The following SNAP91 variants were observed in gnomAD, a reference collection of about 807,000 sequenced individuals.
SNAP91 encodes the protein clathrin coat assembly protein AP180.
SNAP91 carries 27 observed loss-of-function variants against 100.3 expected under a neutral mutation model. That is an observed-to-expected ratio of 0.27 (90% CI 0.20 to 0.37). SNAP91 has a LOEUF of 0.37. Ranked by LOEUF, SNAP91 falls within the 10% of genes least tolerant of loss-of-function variation. SNAP91 has a pLI of 1.00. For synonymous variants in SNAP91, 404 were observed against 398.6 expected (o/e 1.01, Z -0.16); for missense variants, 986 against 1,123.7 (o/e 0.88, Z 1.75).
At chr6:83,646,367 T>C (rs538273877) in intron 7 of SNAP91, among the ~76,000 whole-genome samples, 1 of 152,356 alleles carries the variant, frequency 6.6e-6, no homozygotes, top group African/African-American at 2.4e-5. Context: ...ATTTTACATT[T>C]AGGTCTGTGA....
intron 9 of SNAP91, among the ~76,000 whole-genome samples, chr6:83,622,366 G>A (rs1300819877): frequency 1.3e-5 from 2 of 151,838 alleles, no homozygotes; most frequent in East Asian, 3.8e-4. Context: ...TTTTAAAGAT[G>A]GAAACATTTC....
At chr6:83,649,157 A>G (rs2098088694) in intron 7 of SNAP91, among the ~76,000 whole-genome samples, 1 of 152,206 alleles carries the variant, frequency 6.6e-6, no homozygotes, top group Admixed American at 6.5e-5. Context: ...TAAAGCAACA[A>G]ATAAATTTCT....
chr6:83,610,728 TATATATATATATATATATAA>T lies in SNAP91; in HGVS notation c.885-71_885-52del, dbSNP rs1434882046. ...AAAACTGAATATATATATATATATA[TATATATATATATATATATAA>T]ATATATATGTGAATATATTTGTAGA... On this transcript the variant is annotated intron_variant, in intron 11 of 29. Transcript: ENST00000369694. The T allele has an allele frequency of 7.5e-3, 1,559 of 208,674 alleles. 56 individuals carry two copies. Among genetic ancestry groups the T allele is most frequent in the African/African-American group, 0.057 (1,372 of 24,230 alleles). The allele number at this position is 208,674 out of a possible 1,614,324, so 12.9% of individuals were successfully genotyped here. A position where few individuals can be genotyped will look rare whatever the true frequency, so the allele number is the denominator to read the frequency against.
Position 83,614,877 on chromosome 6 carries a change from T to C in SNAP91, c.879-15A>G, listed in dbSNP as rs774194044. 26 of 1,589,714 alleles carry C rather than the reference T, an allele frequency of 1.6e-5. No homozygotes were observed. In the South Asian group the frequency reaches 2.7e-4, roughly 16 times the overall value. On this transcript the variant is annotated splice_polypyrimidine_tract_variant and intron_variant, in intron 10 of 29. Transcript: ENST00000369694. ...CTCACCCTTCACTTAAGTTCCAAGGTAAGCACAAACATACAAAGAAGAGAA... is the reference window on the plus strand; with the variant it reads ...CTCACCCTTCACTTAAGTTCCAAGGCAAGCACAAACATACAAAGAAGAGAA...
chr6:83,659,020 A>G lies in SNAP91; in HGVS notation c.525T>C (p.Ile175=). ...LKSMPILQGQ[I]DALLEFDVHP... ...ATACATCAAATTCAAGCAGTGCATC[A>G]ATTTGTCCCTGTAGTATTGGCATAC... The change falls in exon 6 of 30, where the codon ATT becomes ATC. Residue 175 remains isoleucine (I), a synonymous_variant. Coordinates refer to ENST00000369694, the MANE Select transcript of SNAP91 (RefSeq NM_001242792.2). 6.2e-6 allele frequency: 10 copies of G among 1,606,222 alleles called. No individual in the cohort carries two copies. Among genetic ancestry groups the G allele is most frequent in the Non-Finnish European group, 8.5e-6 (10 of 1,176,098 alleles).
At chr6:83,660,228 T>C (rs894388515) in intron 5 of SNAP91, among the ~76,000 whole-genome samples, 2 of 152,152 alleles carry the variant, frequency 1.3e-5, no homozygotes, top group Non-Finnish European at 2.9e-5. Flanking sequence ...TCAGCAATGG[T>C]TGCATGGTGC....
At chr6:83,671,631 A>G (rs1463516590) in intron 2 of SNAP91, among the ~76,000 whole-genome samples, 1 of 152,074 alleles carries the variant, frequency 6.6e-6, no homozygotes, top group Non-Finnish European at 1.5e-5. Flanking sequence ...TTAATCTTAG[A>G]AAGATTAATT....
chr6:83,576,993 T>C (rs1373850528), intron 24 of SNAP91, among the ~76,000 whole-genome samples: 1 of 152,016 alleles, frequency 6.6e-6, no homozygotes, highest in East Asian at 1.9e-4. Flanking sequence ...ACAAAACAAT[T>C]AAAAAGTAAA....
chr6:83,600,576 G>C (rs2095073381), intron 16 of SNAP91, among the ~76,000 whole-genome samples: 1 of 152,156 alleles, frequency 6.6e-6, no homozygotes, highest in Admixed American at 6.5e-5. Flanking sequence ...TGGCTCATCA[G>C]GTCCAGGCAT....
chr6:83,661,186 T>C (rs559756538), intron 5 of SNAP91, among the ~76,000 whole-genome samples: 1 of 152,338 alleles, frequency 6.6e-6, no homozygotes, highest in Non-Finnish European at 1.5e-5. Flanking sequence ...TTTAAAGGTA[T>C]ATACATGTTT....
chr6:83,595,721 A>G (rs139087422), intron 16 of SNAP91, among the ~76,000 whole-genome samples: 12 of 152,276 alleles, frequency 7.9e-5, no homozygotes, highest in African/African-American at 2.9e-4. Context: ...CATGAAAATA[A>G]CATGTCATAT....
chr6:83,611,806 C>T (rs1039994492), intron 11 of SNAP91, among the ~76,000 whole-genome samples: 4 of 151,306 alleles, frequency 2.6e-5, no homozygotes, highest in Middle Eastern at 3.4e-3. Context: ...ACGCCATTCT[C>T]CTGCCTCAGT....
chr6:83,558,255 T>C (rs901239886), intron 28 of SNAP91, among the ~76,000 whole-genome samples: 9 of 152,164 alleles, frequency 5.9e-5, no homozygotes, highest in Non-Finnish European at 1.3e-4. Context: ...TTCTTTTTTT[T>C]CAAAAAGATG....
rs1164002516 is a variant in SNAP91, at chr6:83,553,507, A to T, written c.*789T>A. ...GCATTTTCATGAACATGACACAAAC[A>T]GACCCTTTACTTTTCAGTGCATTTA... is the stretch of plus-strand genomic sequence containing the variant. On this transcript the variant is annotated 3_prime_UTR_variant, in exon 30 of 30. Coordinates refer to ENST00000369694, the MANE Select transcript of SNAP91 (RefSeq NM_001242792.2). The T allele has an allele frequency of 6.6e-6, 1 of 152,148 alleles. No individual in the cohort carries two copies. Among genetic ancestry groups the T allele is most frequent in the Non-Finnish European group, 1.5e-5 (1 of 68,024 alleles). The allele number at this position is 152,148 out of a possible 1,614,324, so 9.4% of individuals were successfully genotyped here. A position where few individuals can be genotyped will look rare whatever the true frequency, so the allele number is the denominator to read the frequency against.
chr6:83,581,668 C>T (rs1448324039), intron 23 of SNAP91, among the ~76,000 whole-genome samples: 1 of 152,124 alleles, frequency 6.6e-6, no homozygotes, highest in Admixed American at 6.6e-5. Flanking sequence ...TTCTGAAACA[C>T]ATTTAATTGC....
At chr6:83,643,496 T>C (rs1443221949) in intron 7 of SNAP91, among the ~76,000 whole-genome samples, 1 of 152,176 alleles carries the variant, frequency 6.6e-6, no homozygotes, top group Non-Finnish European at 1.5e-5. Flanking sequence ...GATCAGATAG[T>C]TGTAGATGTG....
chr6:83,629,475 T>C (rs1297056566), intron 8 of SNAP91, among the ~76,000 whole-genome samples: 1 of 152,160 alleles, frequency 6.6e-6, no homozygotes, highest in Non-Finnish European at 1.5e-5. Flanking sequence ...TCAATACGGA[T>C]TCTACCCATC....
intron 2 of SNAP91, among the ~76,000 whole-genome samples, chr6:83,691,489 G>T (rs2099129585): frequency 6.6e-6 from 1 of 151,854 alleles, no homozygotes; most frequent in Non-Finnish European, 1.5e-5. Flanking sequence ...AACTACTGAT[G>T]GTCATTTTCT....
At chr6:83,707,503 AATCT>A (rs1452497977) in intron 2 of SNAP91, among the ~76,000 whole-genome samples, 1 of 150,292 alleles carries the variant, frequency 6.7e-6, no homozygotes, top group Non-Finnish European at 1.5e-5. Context: ...CAGTGTGTAC[AATCT>A]CTCTCTTGTG....
Sources: allele counts gnomAD v4.1 joint callset (sites outside exome capture counted in the v4.1 genomes callset), GRCh38; gene constraint gnomAD v4.1.1; transcripts MANE v1.5; gene names NCBI Gene and HGNC (gene_info 2026-07-23, HGNC 2026-07-21).